The following SCD5 variants were observed in gnomAD, a reference collection of about 807,000 sequenced individuals.
SCD5 encodes the protein acyl-CoA-desaturase 4.
Under a neutral mutation model 30.4 loss-of-function variants are expected in SCD5, and 20 were observed. The observed-to-expected ratio is 0.66, with a 90% confidence interval of 0.46 to 0.96. The LOEUF (loss-of-function observed/expected upper bound fraction) is 0.96. Among genes scored for constraint, SCD5 ranks in the 40% least tolerant of loss-of-function variants. The pLI, the probability that SCD5 is intolerant of heterozygous loss-of-function variation, is 0.00. For missense variants in SCD5, 381 were observed against 443.3 expected (o/e 0.86, Z 1.26); for synonymous variants, 173 against 176.4 (o/e 0.98, Z 0.16).
At chr4:82,724,473 A>G (rs1720431545) in intron 1 of SCD5, among the ~76,000 whole-genome samples, 1 of 152,300 alleles carries the variant, frequency 6.6e-6, no homozygotes, top group African/African-American at 2.4e-5. Context: ...AATAAATAAA[A>G]CAGACCTTGC....
chr4:82,797,114 G>T (rs1197578793), intron 1 of SCD5, among the ~76,000 whole-genome samples: 2 of 152,188 alleles, frequency 1.3e-5, no homozygotes, highest in Non-Finnish European at 2.9e-5. Flanking sequence ...TCAAGGGAAG[G>T]CTTGGAACCA....
intron 1 of SCD5, among the ~76,000 whole-genome samples, chr4:82,746,868 G>A (rs1720995210): frequency 6.6e-6 from 1 of 152,092 alleles, no homozygotes; most frequent in South Asian, 2.1e-4. Context: ...CTCAAGGGTT[G>A]CATTTTCCAA....
chr4:82,649,099 C>T (rs1251927363), intron 3 of SCD5, among the ~76,000 whole-genome samples: 4 of 151,742 alleles, frequency 2.6e-5, no homozygotes, highest in South Asian at 2.1e-4. Context: ...TTTCACTCCA[C>T]TATGTGTATT....
intron 3 of SCD5, among the ~76,000 whole-genome samples, chr4:82,679,841 C>T (rs1728530832): frequency 6.6e-6 from 1 of 152,170 alleles, no homozygotes; most frequent in East Asian, 1.9e-4. Flanking sequence ...CATTTTCAGT[C>T]TGAAAAGGAG....
chr4:82,668,638 C>T (rs1203450876), intron 3 of SCD5, among the ~76,000 whole-genome samples: 1 of 152,182 alleles, frequency 6.6e-6, no homozygotes, highest in Non-Finnish European at 1.5e-5. Flanking sequence ...TGTGAGCTGG[C>T]AGAAAGGATA....
intron 3 of SCD5, among the ~76,000 whole-genome samples, chr4:82,646,024 A>G (rs1207785343): frequency 2.0e-5 from 3 of 152,144 alleles, no homozygotes; most frequent in Non-Finnish European, 2.9e-5. Context: ...CTATTAGAGC[A>G]TGAAGGGGGG....
intron 2 of SCD5, among the ~76,000 whole-genome samples, chr4:82,682,114 C>G (rs1728589692): frequency 6.6e-6 from 1 of 152,182 alleles, no homozygotes; most frequent in Non-Finnish European, 1.5e-5. Flanking sequence ...GCAGCAGTGG[C>G]TGAGGAACAG....
intron 3 of SCD5, among the ~76,000 whole-genome samples, chr4:82,639,250 T>C (rs564129815): frequency 3.7e-4 from 57 of 152,262 alleles, no homozygotes; most frequent in African/African-American, 1.3e-3. Flanking sequence ...GGGCTGTGTT[T>C]GGAGGGGCAA....
intron 3 of SCD5, among the ~76,000 whole-genome samples, chr4:82,639,960 C>T (rs1349137719): frequency 5.3e-5 from 8 of 152,156 alleles, no homozygotes; most frequent in Non-Finnish European, 1.2e-4. Flanking sequence ...TCTGCTGGGC[C>T]CTGGGCACTT....
intron 3 of SCD5, among the ~76,000 whole-genome samples, chr4:82,654,059 A>C (rs115007843): frequency 0.18 from 27,893 of 151,872 alleles, 2,706 homozygotes; most frequent in East Asian, 0.37. Flanking sequence ...CTGGGATTAC[A>C]GGTGTCTGCC....
At chr4:82,706,082 T>C (rs1719962343) in intron 1 of SCD5, among the ~76,000 whole-genome samples, 1 of 152,216 alleles carries the variant, frequency 6.6e-6, no homozygotes, top group Non-Finnish European at 1.5e-5. Context: ...CACAGAAAGC[T>C]GCAGTAAATA....
chr4:82,720,918 G>A (rs901530840), intron 1 of SCD5, among the ~76,000 whole-genome samples: 7 of 152,166 alleles, frequency 4.6e-5, no homozygotes, highest in Admixed American at 4.6e-4. Context: ...TCAGGACGCC[G>A]AGGTGAGGGG....
intron 1 of SCD5, among the ~76,000 whole-genome samples, chr4:82,706,349 T>G (rs974460001): frequency 6.6e-6 from 1 of 152,258 alleles, no homozygotes; most frequent in Non-Finnish European, 1.5e-5. Context: ...AAAGGATCAC[T>G]CTAATCCACA....
At chr4:82,651,932 G>GA (rs978813545) in intron 3 of SCD5, among the ~76,000 whole-genome samples, 43 of 152,194 alleles carry the variant, frequency 2.8e-4, no homozygotes, top group African/African-American at 1.0e-3. Context: ...TAAAATGTAA[G>GA]AAAAAATTGG....
intron 1 of SCD5, among the ~76,000 whole-genome samples, chr4:82,773,785 C>A (rs557296797): frequency 6.6e-6 from 1 of 152,044 alleles, no homozygotes; most frequent in East Asian, 1.9e-4. Flanking sequence ...TGGTTGAGAG[C>A]ACTGGTATAA....
At chr4:82,741,410 T>A (rs898664622) in intron 1 of SCD5, among the ~76,000 whole-genome samples, 9 of 152,116 alleles carry the variant, frequency 5.9e-5, no homozygotes, top group African/African-American at 2.2e-4. Flanking sequence ...CATTGTCACC[T>A]ACCAGGGAAT....
intron 1 of SCD5, among the ~76,000 whole-genome samples, chr4:82,716,766 A>G (rs1720238187): frequency 6.6e-6 from 1 of 151,794 alleles, no homozygotes; most frequent in African/African-American, 2.4e-5. Context: ...ATGAGCCGAG[A>G]TCGTACCACT....
At chr4:82,662,624 C>CT (rs1353281927) in intron 3 of SCD5, among the ~76,000 whole-genome samples, 2 of 151,342 alleles carry the variant, frequency 1.3e-5, no homozygotes, top group Non-Finnish European at 2.9e-5. Flanking sequence ...CTTTGGGAGG[C>CT]TGAGGTAGGT....
chr4:82,749,029 T>G (rs901134704), intron 1 of SCD5, among the ~76,000 whole-genome samples: 5 of 152,230 alleles, frequency 3.3e-5, no homozygotes, highest in African/African-American at 1.2e-4. Flanking sequence ...GGAACCAGCC[T>G]GACACAGGGC....
Sources: allele counts gnomAD v4.1 joint callset (sites outside exome capture counted in the v4.1 genomes callset), GRCh38; gene constraint gnomAD v4.1.1; transcripts MANE v1.5; gene names NCBI Gene and HGNC (gene_info 2026-07-23, HGNC 2026-07-21).